ARHGAP32: variants seen among roughly 807,000 people sequenced by gnomAD.
The protein encoded by ARHGAP32 is rho GTPase-activating protein 32.
ARHGAP32 carries 51 observed loss-of-function variants against 186.5 expected under a neutral mutation model. The ratio of observed to expected loss-of-function variants is 0.27; its 90% CI spans 0.22 to 0.35. ARHGAP32 has a LOEUF of 0.35. Ranked by LOEUF, ARHGAP32 falls within the 10% of genes least tolerant of loss-of-function variation. ARHGAP32 has a pLI of 1.00. For missense variants in ARHGAP32, 2,186 were observed against 2,623.5 expected (o/e 0.83, Z 3.64); for synonymous variants, 950 against 964.3 (o/e 0.99, Z 0.27).
chr11:128,985,882 A>ATATATG (rs1945858973), intron 15 of ARHGAP32, 121 bp downstream of exon 15: 1 of 261,988 alleles, frequency 3.8e-6, no homozygotes, highest in Non-Finnish European at 7.1e-6. Flanking sequence ...ATATATATAT[A>ATATATG]TATGAAATGG....
chr11:129,062,304 C>A lies in ARHGAP32; in HGVS notation c.939G>T (p.Trp313Cys). ...IDMPPKVLST[W>C]WRGKHGFQVG... is the part of the protein sequence containing the mutation. ...CCTGGAATCCGTGCTTGCCTCTCCA[C>A]CATGTGCTTAACACTTTCGGGGGCA... The change falls in exon 10 of 23, where the codon TGG becomes TGT. Residue 313 changes from tryptophan (W) to cysteine (C), a missense_variant. Around this residue, in one of 5 missense-constraint regions of ARHGAP32, gnomAD observed 308 missense variants for 596.5 expected, o/e 0.52. Coordinates refer to ENST00000682385, the MANE Select transcript of ARHGAP32 (RefSeq NM_001378024.1). 2 of 1,613,662 alleles carry A rather than the reference C, an allele frequency of 1.2e-6. No individual in the cohort carries two copies. The highest frequency in any genetic ancestry group is 8.5e-7 in the Non-Finnish European group (1 of 1,179,670).
At chr11:129,124,948 T>C in intron 2 of ARHGAP32, 54 bp from the exon 3 acceptor site, 2 of 1,377,760 alleles carry the variant, frequency 1.5e-6, no homozygotes, top group Non-Finnish European at 2.0e-6. Flanking sequence ...TTACACTTTT[T>C]TAAAAAGCAG....
intron 1 of ARHGAP32, among the ~76,000 whole-genome samples, chr11:129,226,153 T>C (rs1944778855): frequency 6.6e-6 from 1 of 152,084 alleles, no homozygotes; most frequent in South Asian, 2.1e-4. Context: ...TAGAGAACTG[T>C]AGGACACCAT....
At chr11:129,244,013 C>A (rs1037578243) in intron 1 of ARHGAP32, among the ~76,000 whole-genome samples, 3 of 152,030 alleles carry the variant, frequency 2.0e-5, no homozygotes, top group African/African-American at 7.2e-5. Context: ...CCTATTATAC[C>A]TAATATAATG....
chr11:129,092,202 T>C (rs1941597115), intron 6 of ARHGAP32, among the ~76,000 whole-genome samples: 1 of 152,020 alleles, frequency 6.6e-6, no homozygotes. Context: ...ATGCTTGCCT[T>C]CTGAAGGTCA....
intron 2 of ARHGAP32, among the ~76,000 whole-genome samples, chr11:129,158,435 T>C (rs1055969995): frequency 1.3e-5 from 2 of 148,230 alleles, no homozygotes; most frequent in South Asian, 4.2e-4. Flanking sequence ...TCCTAGTCTC[T>C]GATAAAACAG....
chr11:129,249,298 TA>T (rs907707280), intron 1 of ARHGAP32, among the ~76,000 whole-genome samples: 6 of 152,126 alleles, frequency 3.9e-5, no homozygotes, highest in African/African-American at 1.2e-4. Context: ...CAGTATGTAT[TA>T]AAAAAAGTAA....
intron 11 of ARHGAP32, among the ~76,000 whole-genome samples, chr11:129,025,027 A>C (rs2134920438): frequency 6.6e-6 from 1 of 152,308 alleles, no homozygotes; most frequent in Non-Finnish European, 1.5e-5. Context: ...CATTCCAATG[A>C]CTTTTTACTA....
intron 1 of ARHGAP32, among the ~76,000 whole-genome samples, chr11:129,199,086 G>A (rs1184198669): frequency 6.6e-6 from 1 of 152,150 alleles, no homozygotes; most frequent in Non-Finnish European, 1.5e-5. Context: ...ATGATTTAGG[G>A]TATCTGGCAG....
At chr11:129,248,624 T>A (rs1945136185) in intron 1 of ARHGAP32, among the ~76,000 whole-genome samples, 1 of 152,172 alleles carries the variant, frequency 6.6e-6, no homozygotes, top group South Asian at 2.1e-4. Flanking sequence ...TGTCTACAGA[T>A]AAATAATACA....
rs181721170 is a variant in ARHGAP32 at position 129,085,731 on chromosome 11, C to T, written c.531+7890G>A. Among the ~76,000 whole-genome samples the T allele has an allele frequency of 4.9e-3, 752 of 152,158 alleles. 12 individuals are homozygous for T. The highest frequency in any genetic ancestry group is 0.017 in the African/African-American group (700 of 41,512). ...TAATAAAACCATACTAGGCTGGGTG[C>T]GGTGGCTCATACCTGTAATCCCAGC... is the stretch of plus-strand genomic sequence containing the variant. On this transcript the variant is annotated intron_variant, in intron 6 of 22. Coordinates refer to ENST00000682385, the MANE Select transcript of ARHGAP32 (RefSeq NM_001378024.1).
intron 12 of ARHGAP32, among the ~76,000 whole-genome samples, chr11:128,994,994 A>T (rs1053591538): frequency 6.6e-6 from 1 of 152,098 alleles, no homozygotes; most frequent in African/African-American, 2.4e-5. Flanking sequence ...GCAAAGAGGG[A>T]TTAATCTTCC....
intron 11 of ARHGAP32, among the ~76,000 whole-genome samples, chr11:129,030,766 C>T (rs1355137704): frequency 6.6e-6 from 1 of 152,186 alleles, no homozygotes; most frequent in East Asian, 1.9e-4. Context: ...TTTGTCCCCA[C>T]TCAAATCTCA....
At chr11:129,278,743 C>A (rs1945568066) in intron 1 of ARHGAP32, among the ~76,000 whole-genome samples, 2 of 151,806 alleles carry the variant, frequency 1.3e-5, no homozygotes, top group Non-Finnish European at 2.9e-5. Context: ...CGCCCGCGGG[C>A]AGCGGAGGGA....
chr11:129,036,721 T>C (rs1227668387), intron 11 of ARHGAP32, among the ~76,000 whole-genome samples: 1 of 152,194 alleles, frequency 6.6e-6, no homozygotes, highest in Non-Finnish European at 1.5e-5. Context: ...AGAAGGGAAC[T>C]TTCTCAACCC....
intron 11 of ARHGAP32, among the ~76,000 whole-genome samples, chr11:129,024,767 A>C (rs999955350): frequency 3.3e-5 from 5 of 152,212 alleles, no homozygotes; most frequent in Non-Finnish European, 7.3e-5. Context: ...TGGAGTCCCA[A>C]GGTACTTCTT....
intron 21 of ARHGAP32, 183 bp downstream of exon 21, chr11:128,973,941 T>G (rs1945468809): frequency 7.6e-6 from 5 of 656,570 alleles, no homozygotes; most frequent in African/African-American, 1.8e-5. Context: ...CATTGGCCCT[T>G]TTGGGGAGTT....
At chr11:129,011,308 G>A (rs1263790752) in intron 11 of ARHGAP32, among the ~76,000 whole-genome samples, 1 of 152,270 alleles carries the variant, frequency 6.6e-6, no homozygotes, top group South Asian at 2.1e-4. Context: ...ACATAACCAG[G>A]ATTCCGAATC....
intron 5 of ARHGAP32, among the ~76,000 whole-genome samples, chr11:129,115,579 A>G (rs929292654): frequency 6.6e-6 from 1 of 152,116 alleles, no homozygotes; most frequent in Non-Finnish European, 1.5e-5. Flanking sequence ...ATAACACGAC[A>G]GCAGAATCAC....
Sources: allele counts gnomAD v4.1 joint callset (sites outside exome capture counted in the v4.1 genomes callset), GRCh38; gene constraint gnomAD v4.1.1; regional missense constraint gnomAD v4.1.1; transcripts MANE v1.5; gene names NCBI Gene and HGNC (gene_info 2026-07-23, HGNC 2026-07-21).